The following PAX8 variants were observed in gnomAD, a reference collection of about 807,000 sequenced individuals.
PAX8 encodes the protein paired box 8, also known as paired box protein Pax-8.
PAX8 carries 15 observed loss-of-function variants against 52.4 expected under a neutral mutation model. That is an observed-to-expected ratio of 0.29 (90% CI 0.19 to 0.44). The LOEUF (loss-of-function observed/expected upper bound fraction) is 0.44. Among genes scored for constraint, PAX8 ranks in the 20% least tolerant of loss-of-function variants. The pLI, the probability that PAX8 is intolerant of heterozygous loss-of-function variation, is 1.00. For missense variants in PAX8, 554 were observed against 602.5 expected (o/e 0.92, Z 0.84); for synonymous variants, 284 against 249.7 (o/e 1.14, Z -1.29).
At position 113,217,961 on chromosome 2, in the gene PAX8, A is replaced by G. The variant is rs1239642494; in HGVS notation, c.*572T>C. 1.7e-5 allele frequency: 4 copies of G among 233,164 alleles called. No homozygotes were observed. Among genetic ancestry groups the G allele is most frequent in the South Asian group, 3.6e-4 (2 of 5,520 alleles). The allele number at this position is 233,164 out of a possible 1,614,324, so 14.4% of individuals were successfully genotyped here. A position where few individuals can be genotyped will look rare whatever the true frequency, so the allele number is the denominator to read the frequency against. On this transcript the variant is annotated 3_prime_UTR_variant, in exon 12 of 12. Transcript: ENST00000429538. The stretch of plus-strand genomic sequence containing the variant: ...CCCATGCCCAAGAGGGAGGTGTAGA[A>G]AGAGCCAAGCAAATGGAGTGGAGAA...
At position 113,218,419 on chromosome 2, in the gene PAX8, G is replaced by A; in HGVS notation, c.*114C>T. 1.7e-6 allele frequency: 1 copy of A among 601,630 alleles called. No individual in the cohort carries two copies. Among genetic ancestry groups the A allele is most frequent in the African/African-American group, 1.9e-5 (1 of 53,482 alleles). The allele number at this position is 601,630 out of a possible 1,614,324, so 37.3% of individuals were successfully genotyped here. A position where few individuals can be genotyped will look rare whatever the true frequency, so the allele number is the denominator to read the frequency against. On this transcript the variant is annotated 3_prime_UTR_variant, in exon 12 of 12. Transcript: ENST00000429538. ...CACACAGGGAGTGTGCCGCAATGCT[G>A]GACTTGTGGTTATTTTTCATGTAAT...
chr2:113,245,630 A>G (rs1204772761), intron 3 of PAX8, among the ~76,000 whole-genome samples: 1 of 151,668 alleles, frequency 6.6e-6, no homozygotes. Context: ...CTATCCTCCA[A>G]CTAGTTGCTT....
In PAX8 at chr2:113,220,141, G is replaced by C. The variant is rs190681011; in HGVS notation, c.1227C>G (p.Pro409=). The change falls in exon 11 of 12, where the codon CCC becomes CCG. Residue 409 remains proline (P), a synonymous_variant. Coordinates refer to ENST00000429538, the MANE Select transcript of PAX8 (RefSeq NM_003466.4). ...GCCAGGCCTCGCTGTAGGAGGAGTA[G>C]GGGGTGTGGCCATAGGCATTGCCAG... The part of the protein sequence containing the change: ...EYSGNAYGHT[P]YSSYSEAWRF... The C allele has an allele frequency of 6.2e-4, 995 of 1,614,000 alleles. No homozygotes were observed. The highest frequency in any genetic ancestry group is 7.9e-4 in the Non-Finnish European group (934 of 1,179,948).
At chr2:113,252,368 T>C (rs542861499) in intron 2 of PAX8, among the ~76,000 whole-genome samples, 1 of 152,326 alleles carries the variant, frequency 6.6e-6, no homozygotes, top group East Asian at 1.9e-4. Context: ...AGGTCTGTGA[T>C]CTCCATGTGC....
intron 2 of PAX8, among the ~76,000 whole-genome samples, chr2:113,264,319 G>A (rs934600299): frequency 5.9e-5 from 9 of 152,282 alleles, no homozygotes; most frequent in East Asian, 3.9e-4. Context: ...GGGCAGCTCC[G>A]GCCTGAATGG....
At position 113,242,024 on chromosome 2, in the gene PAX8, C is replaced by T; in HGVS notation, c.585G>A (p.Lys195=). ...LLGIAQPGSD[K]RKMDDSDQDS... Reference sequence around the variant, plus strand: ...AGCACTCACTGTCATCCATTTTCCTCTTGTCGCTGCCAGGCTGAGCGATGC... The same window carrying T: ...AGCACTCACTGTCATCCATTTTCCTTTTGTCGCTGCCAGGCTGAGCGATGC... Residue 195 remains lysine (K), a synonymous_variant, in exon 6 of 12, where the codon AAG becomes AAA. Transcript: ENST00000429538. 2 of 1,613,734 alleles carry T rather than the reference C, an allele frequency of 1.2e-6. No individual in the cohort carries two copies. Among genetic ancestry groups the T allele is most frequent in the Non-Finnish European group, 1.7e-6 (2 of 1,179,834 alleles).
chr2:113,235,321 TG>T, intron 9 of PAX8, 72 bp downstream of exon 9: 1 of 1,290,392 alleles, frequency 7.7e-7, no homozygotes, highest in Non-Finnish European at 1.1e-6. Context: ...GAGAGGGGGC[TG>T]GCGGTCTGCC....
Position 113,227,199 on chromosome 2 carries a change from C to T in PAX8, c.1145G>A (p.Gly382Glu). The change falls in exon 10 of 12, where the codon GGA (glycine) becomes GAA (glutamate). Residue 382 changes from glycine to glutamate, a missense_variant. Gly to Glu is a moderately conservative substitution (Grantham distance 98). Around this residue, in one of 2 missense-constraint regions of PAX8, gnomAD observed 445 missense variants for 409.9 expected, o/e 1.09. Coordinates refer to ENST00000429538, the MANE Select transcript of PAX8 (RefSeq NM_003466.4). ...GGCAGAGGAGGCATAGCTGCCCTGT[C>T]CGCTGGTGGGGATGTGGGGTGGGTA... is the stretch of plus-strand genomic sequence containing the variant. ...PGYPPHIPTS[G>E]QGSYASSAIA... 6.2e-7 allele frequency: 1 copy of T among 1,609,894 alleles called. No individual in the cohort carries two copies. The highest frequency in any genetic ancestry group is 8.5e-7 in the Non-Finnish European group (1 of 1,178,534).
At chr2:113,266,469 C>T (rs764445385) in intron 2 of PAX8, 2 of 152,200 alleles carry the variant, frequency 1.3e-5, no homozygotes, top group Non-Finnish European at 2.9e-5. Flanking sequence ...GGACTTGGCT[C>T]CTTTCTTTGA....
chr2:113,239,769 C>G (rs1202440655), intron 7 of PAX8: 1 of 152,082 alleles, frequency 6.6e-6, no homozygotes, highest in Non-Finnish European at 1.5e-5. Flanking sequence ...TACGTAGAAG[C>G]ACCATATCTG....
Position 113,233,781 on chromosome 2 carries a change from C to T in PAX8, c.1087+1613G>A, listed in dbSNP as rs150068159. 5.9e-4 allele frequency among the ~76,000 whole-genome samples: 89 copies of T among 152,042 alleles called. 1 individual carries two copies. The highest frequency in any genetic ancestry group is 1.9e-3 in the African/African-American group (78 of 41,496). ...TCTTAATCCTCTGGTGCAGTGGTTT[C>T]GAAGTCCAAGGGCTTTCTAGGGGCA... On this transcript the variant is annotated intron_variant, in intron 9 of 11. Coordinates refer to ENST00000429538, the MANE Select transcript of PAX8 (RefSeq NM_003466.4).
In PAX8 at chr2:113,241,733, C is replaced by A. The variant is rs1413029023; in HGVS notation, c.602-7G>T. The stretch of plus-strand genomic sequence containing the variant: ...CGGCAGCTATCCTGATCACCTGGTA[C>A]CCCCCGGGAAGGAAGAAAGCTTTTA... On this transcript the variant is annotated splice_region_variant and splice_polypyrimidine_tract_variant and intron_variant, in intron 6 of 11. Transcript: ENST00000429538. The A allele has an allele frequency of 4.3e-6, 7 of 1,613,262 alleles. No individual in the cohort carries two copies. Among genetic ancestry groups the A allele is most frequent in the Non-Finnish European group, 5.9e-6 (7 of 1,179,544 alleles).
chr2:113,264,452 G>C (rs1437524106), intron 2 of PAX8, among the ~76,000 whole-genome samples: 1 of 152,248 alleles, frequency 6.6e-6, no homozygotes, highest in Non-Finnish European at 1.5e-5. Flanking sequence ...TGTATTTCAT[G>C]TTGGAAAAAC....
intron 2 of PAX8, chr2:113,275,558 G>A (rs1321369802): frequency 6.6e-6 from 1 of 152,158 alleles, no homozygotes; most frequent in Admixed American, 6.5e-5. Context: ...TTTACCACTT[G>A]AATGAACTAT....
intron 10 of PAX8, 123 bp from the exon 11 acceptor site, chr2:113,220,301 G>A: frequency 1.4e-6 from 1 of 714,024 alleles, no homozygotes; most frequent in Non-Finnish European, 2.5e-6. Flanking sequence ...GACAGTTGGA[G>A]CCACGGCAGG....
intron 11 of PAX8, among the ~76,000 whole-genome samples, chr2:113,218,891 G>C (rs1689123793): frequency 6.6e-6 from 1 of 152,194 alleles, no homozygotes; most frequent in African/African-American, 2.4e-5. Context: ...GAGGGCAATA[G>C]AAAACAATTG....
At chr2:113,235,268 G>A (rs1207022740) in intron 9 of PAX8, 126 bp downstream of exon 9, 15 of 784,556 alleles carry the variant, frequency 1.9e-5, no homozygotes, top group Non-Finnish European at 2.8e-5. Context: ...AAAGTTGCCG[G>A]AGGAATTAGG....
intron 5 of PAX8, among the ~76,000 whole-genome samples, chr2:113,242,392 G>T (rs1369396263): frequency 1.3e-5 from 2 of 152,114 alleles, no homozygotes; most frequent in Non-Finnish European, 2.9e-5. Context: ...GCCGAACCAT[G>T]GACTGAGCCC....
intron 2 of PAX8, chr2:113,267,955 G>A (rs945258756): frequency 6.6e-6 from 1 of 152,210 alleles, no homozygotes; most frequent in African/African-American, 2.4e-5. Flanking sequence ...AGGACAGCCA[G>A]GTGTCCAGGC....
Sources: gnomAD v4.1 joint callset for allele counts (sites outside exome capture counted in the v4.1 genomes callset) on GRCh38, gnomAD v4.1.1 for gene constraint, gnomAD v4.1.1 regional missense constraint, MANE v1.5 for transcripts, NCBI Gene and HGNC (gene_info 2026-07-23, HGNC 2026-07-21) for gene names.